The following MPP2 variants were observed in gnomAD, a reference collection of about 807,000 sequenced individuals.
The protein encoded by MPP2 is MAGUK p55 subfamily member 2.
Under a neutral mutation model 58.5 loss-of-function variants are expected in MPP2, and 42 were observed. The ratio of observed to expected loss-of-function variants is 0.72; its 90% CI spans 0.56 to 0.93. The LOEUF is 0.93. Ranked by LOEUF, MPP2 falls within the 40% of genes least tolerant of loss-of-function variation. MPP2 has a pLI of 0.00. For synonymous variants in MPP2, 300 were observed against 307.8 expected (o/e 0.97, Z 0.26); for missense variants, 632 against 760.4 (o/e 0.83, Z 1.99).
At chr17:43,900,568 C>T (rs1249070482) in intron 2 of MPP2, 3 of 1,539,830 alleles carry the variant, frequency 1.9e-6, no homozygotes, top group African/African-American at 2.7e-5. Context: ...CCCCCAGACC[C>T]GGGGACTCCC....
intron 3 of MPP2, among the ~76,000 whole-genome samples, chr17:43,884,789 C>T (rs1428605223): frequency 1.3e-5 from 1 of 74,956 alleles, no homozygotes; most frequent in South Asian, 5.7e-4. Flanking sequence ...ACCTAATTCC[C>T]ATCATTCCTT....
Position 43,907,467 on chromosome 17 carries a change from C to A in MPP2, c.-34+7G>T, listed in dbSNP as rs946491767. 49 of 985,538 alleles carry A rather than the reference C, an allele frequency of 5.0e-5. No individual in the cohort carries two copies. The Middle Eastern group carries it at 5.2e-3, about 105-fold the overall frequency. The allele number at this position is 985,538 out of a possible 1,614,324, so 61.0% of individuals were successfully genotyped here. A position where few individuals can be genotyped will look rare whatever the true frequency, so the allele number is the denominator to read the frequency against. ...AGGAGCTGGCCCGGGGGCCGGGGGA[C>A]GCCTACCTGCGCCCCGGGAAGCCCC... On this transcript the variant is annotated splice_region_variant and intron_variant, in intron 1 of 12. Transcript: ENST00000269095.
upstream of MPP2, among the ~76,000 whole-genome samples, chr17:43,908,655 G>A (rs1332025189): frequency 1.3e-5 from 2 of 152,202 alleles, no homozygotes; most frequent in African/African-American, 2.4e-5. Context: ...GCTGCAGTGA[G>A]CCGAGATTGC....
intron 2 of MPP2, among the ~76,000 whole-genome samples, chr17:43,901,987 G>T (rs2048112667): frequency 6.6e-6 from 1 of 152,108 alleles, no homozygotes; most frequent in Non-Finnish European, 1.5e-5. Flanking sequence ...AGGAGGGAAG[G>T]GGAGCCTGAA....
Position 43,901,200 on chromosome 17 carries a change from C to A in MPP2, c.32-2820G>T, listed in dbSNP as rs902231373. On this transcript the variant is annotated intron_variant, in intron 2 of 12. Transcript: ENST00000269095. ...CAAGCCTCAGACGCCTCCCCCTACC[C>A]ACCCTTGGTCAGCCACTGGGAGGCA... is the stretch of plus-strand genomic sequence containing the variant. The A allele has an allele frequency of 2.0e-5, 19 of 950,694 alleles. No individual in the cohort carries two copies. The African/African-American group carries it at 3.4e-4, about 17-fold the overall frequency. 58.9% of individuals were successfully genotyped at this position (950,694 alleles called of 1,614,324 possible).
rs754174003 is a variant in MPP2 at position 43,880,715 on chromosome 17, C to T, written c.1126G>A (p.Asp376Asn). The part of the protein sequence containing the change: ...LKNKLIMWDP[D>N]RYGTTVPYTS... ...CAGGGCACCGTGGTGCCATAGCGAT[C>T]TGGATCCCACATGATGAGCTTGTTC... The change falls in exon 10 of 13, where the codon GAT becomes AAT. Residue 376 changes from aspartate (D) to asparagine (N), a missense_variant. Transcript: ENST00000269095. The surrounding 1 kb of genome is among the most constrained non-coding windows in gnomAD (Gnocchi z 5.2). The T allele has an allele frequency of 1.2e-6, 2 of 1,612,974 alleles. No individual in the cohort carries two copies. Among genetic ancestry groups the T allele is most frequent in the Non-Finnish European group, 1.7e-6 (2 of 1,179,248 alleles).
intron 2 of MPP2, among the ~76,000 whole-genome samples, chr17:43,899,019 G>A (rs2047975026): frequency 6.6e-6 from 1 of 152,086 alleles, no homozygotes; most frequent in African/African-American, 2.4e-5. Context: ...GCCGAAGCGG[G>A]TGGATTGCCT....
In MPP2 at chr17:43,875,600, C is replaced by G; in HGVS notation, c.*2207G>C. On this transcript the variant is annotated 3_prime_UTR_variant, in exon 13 of 13. Transcript: ENST00000269095. ...GCACACACCTGTTCCAACCCAGCCC[C>G]AGCCCTGTTCCAGGTGAGCCAAGGA... 6.6e-6 allele frequency: 1 copy of G among 152,302 alleles called. No individual in the cohort carries two copies. The highest frequency in any genetic ancestry group is 2.1e-4 in the South Asian group (1 of 4,826). The allele number at this position is 152,302 out of a possible 1,614,324, so 9.4% of individuals were successfully genotyped here. A position where few individuals can be genotyped will look rare whatever the true frequency, so the allele number is the denominator to read the frequency against.
At chr17:43,895,343 C>T (rs2047800698) in intron 3 of MPP2, among the ~76,000 whole-genome samples, 1 of 152,144 alleles carries the variant, frequency 6.6e-6, no homozygotes, top group African/African-American at 2.4e-5. Flanking sequence ...AAATCCTGAG[C>T]TCAAATGATC....
At chr17:43,882,547 T>C in intron 5 of MPP2, 36 bp from the exon 6 acceptor site, 1 of 1,585,766 alleles carries the variant, frequency 6.3e-7, no homozygotes, top group Non-Finnish European at 8.6e-7. Flanking sequence ...GAGGCCCCAA[T>C]TGCTCCAAGT....
chr17:43,906,330 G>A (rs1003229014), intron 1 of MPP2, among the ~76,000 whole-genome samples: 2 of 152,196 alleles, frequency 1.3e-5, no homozygotes, highest in Admixed American at 6.5e-5. Context: ...TGTGTCCACA[G>A]GAGAACGGCA....
chr17:43,883,382 G>A, intron 3 of MPP2, 27 bp from the exon 4 acceptor site: 1 of 1,600,858 alleles, frequency 6.2e-7, no homozygotes, highest in Non-Finnish European at 8.5e-7. Context: ...AACAGGTGGG[G>A]CTAGGAGCTT....
intron 2 of MPP2, among the ~76,000 whole-genome samples, chr17:43,899,508 G>A (rs1157543013): frequency 6.6e-6 from 1 of 152,186 alleles, no homozygotes; most frequent in Non-Finnish European, 1.5e-5. Flanking sequence ...AGTCTTTCCT[G>A]CCTGTAAAAT....
rs137917550 is a variant in MPP2, at chr17:43,897,709, G to A, written c.150+553C>T. 9.2e-5 allele frequency among the ~76,000 whole-genome samples: 14 copies of A among 152,140 alleles called. No individual in the cohort carries two copies. The East Asian group carries it at 2.7e-3, about 29-fold the overall frequency. ...CTCAAGCTCTTCTGTGGCCCAGAATGCCCTCCCCCTCTTCCTCATTCTTCC... is the reference window on the plus strand; with the variant it reads ...CTCAAGCTCTTCTGTGGCCCAGAATACCCTCCCCCTCTTCCTCATTCTTCC... On this transcript the variant is annotated intron_variant, in intron 3 of 12. Transcript: ENST00000269095.
chr17:43,890,916 C>T (rs1279650721), intron 3 of MPP2, among the ~76,000 whole-genome samples: 1 of 152,182 alleles, frequency 6.6e-6, no homozygotes, highest in African/African-American at 2.4e-5. Context: ...GCTAAGCAAG[C>T]CCAGGCCAGA....
rs2046999205 is a variant in MPP2 at position 43,879,413 on chromosome 17, G to A, written c.1354-10C>T. 3.1e-6 allele frequency: 5 copies of A among 1,613,880 alleles called. No homozygotes were observed. The highest frequency in any genetic ancestry group is 2.7e-5 in the African/African-American group (2 of 74,924). On this transcript the variant is annotated splice_polypyrimidine_tract_variant and intron_variant, in intron 11 of 12. Coordinates refer to ENST00000269095, the MANE Select transcript of MPP2 (RefSeq NM_005374.5). This position sits in a 1 kb window ranked among gnomAD's most constrained non-coding sequence, Gnocchi z 4.1. ...GTAGCACCTTCACCGCCTGCAGAAGGAGAAGGCAAGGTAGGGAGTATATCC... is the reference window on the plus strand; with the variant it reads ...GTAGCACCTTCACCGCCTGCAGAAGAAGAAGGCAAGGTAGGGAGTATATCC...
At chr17:43,887,404 T>A (rs1031266780) in intron 3 of MPP2, among the ~76,000 whole-genome samples, 2 of 151,976 alleles carry the variant, frequency 1.3e-5, no homozygotes, top group African/African-American at 4.8e-5. Flanking sequence ...TTTTTTAATG[T>A]GGGTGAATTT....
rs899220549 is a variant in MPP2 at position 43,895,104 on chromosome 17, T to TTTTA, written c.150+3154_150+3157dup. Among the ~76,000 whole-genome samples, 6 of 151,426 alleles carry TTTTA rather than the reference T, an allele frequency of 4.0e-5. No individual in the cohort carries two copies. The East Asian group carries it at 5.8e-4, about 15-fold the overall frequency. ...GGAGAGGCATTAACTGTGCCAAACT[T>TTTTA]TTTATTTATTTATTTATTTTTTTTT... is the stretch of plus-strand genomic sequence containing the variant. On this transcript the variant is annotated intron_variant, in intron 3 of 12. Transcript: ENST00000269095.
rs1480829607 is a variant in MPP2 at position 43,876,359 on chromosome 17, G to A, written c.*1448C>T. ...AGGCTCCCCCCGGAAGGAATGCAGA[G>A]AATAATGAAGGATGAGATGCCCAAG... is the stretch of plus-strand genomic sequence containing the variant. On this transcript the variant is annotated 3_prime_UTR_variant, in exon 13 of 13. Transcript: ENST00000269095. 6.6e-6 allele frequency: 1 copy of A among 152,524 alleles called. No individual in the cohort carries two copies. Among genetic ancestry groups the A allele is most frequent in the African/African-American group, 2.4e-5 (1 of 41,426 alleles). The allele number at this position is 152,524 out of a possible 1,614,324, so 9.4% of individuals were successfully genotyped here.
Sources: gnomAD v4.1 joint callset for allele counts (sites outside exome capture counted in the v4.1 genomes callset) on GRCh38, gnomAD v4.1.1 for gene constraint, Gnocchi (gnomAD v3.1) non-coding constraint, MANE v1.5 for transcripts, NCBI Gene and HGNC (gene_info 2026-07-23, HGNC 2026-07-21) for gene names.